APBA3: variants seen among roughly 807,000 people sequenced by gnomAD.
APBA3 encodes amyloid-beta A4 precursor protein-binding family A member 3.
Under a neutral mutation model 55.9 loss-of-function variants are expected in APBA3, and 45 were observed. That is an observed-to-expected ratio of 0.80 (90% CI 0.63 to 1.03). APBA3 has a LOEUF of 1.03. APBA3 is among the 50% of genes least tolerant of loss of function. APBA3 has a pLI of 0.00. For synonymous variants in APBA3, 370 were observed against 353.3 expected (o/e 1.05, Z -0.53); for missense variants, 865 against 820.3 (o/e 1.05, Z -0.67).
In APBA3 at chr19:3,752,542, C is replaced by T; in HGVS notation, c.1361G>A (p.Gly454Glu). The T allele has an allele frequency of 1.3e-6, 2 of 1,587,982 alleles. No homozygotes were observed. Among genetic ancestry groups the T allele is most frequent in the South Asian group, 2.3e-5 (2 of 88,026 alleles). The stretch of plus-strand genomic sequence containing the variant: ...GGCCTGGCACGCAGCCAGGGGCAGC[C>T]CCACCAGGCTGGTCCCGTTGATGGC... ...LTAINGTSLV[G>E]LPLAACQAAV... Residue 454 changes from glycine (G) to glutamate (E), a missense_variant, in exon 8 of 11, where the codon GGG becomes GAG. Gly to Glu is a moderately conservative substitution (Grantham distance 98). Transcript: ENST00000316757.
chr19:3,753,295 G>T, intron 6 of APBA3: 1 of 481,324 alleles, frequency 2.1e-6, no homozygotes, highest in South Asian at 3.0e-5. Context: ...CTCATGGGTG[G>T]CAGGGACAGC....
chr19:3,753,694 G>A, intron 6 of APBA3, 71 bp downstream of exon 6: 1 of 1,363,460 alleles, frequency 7.3e-7, no homozygotes, highest in Non-Finnish European at 9.7e-7. Flanking sequence ...TAAATGCACG[G>A]CCCACTGAGG....
rs1159310026 is a variant in APBA3 at position 3,753,855 on chromosome 19, C to T, written c.921G>A (p.Met307Ile). 1 of 1,568,280 alleles carries T rather than the reference C, an allele frequency of 6.4e-7. No individual in the cohort carries two copies. ...GCCTCCGTGCCAGCCGCCGCCGCGC[C>T]ATCAGCACCAGCACGCAGCCGATGT... The part of the protein sequence containing the change: ...TADIGCVLVL[M>I]ARRRLARRPA... Residue 307 changes from methionine (M) to isoleucine (I), a missense_variant, in exon 6 of 11, where the codon ATG becomes ATA. Met to Ile is a conservative substitution (Grantham distance 10). Transcript: ENST00000316757.
chr19:3,758,276 CAG>C (rs967069182), intron 3 of APBA3, among the ~76,000 whole-genome samples: 8 of 151,912 alleles, frequency 5.3e-5, no homozygotes, highest in African/African-American at 1.9e-4. Context: ...ATTTTTGAGA[CAG>C]AGTCTCGCTC....
chr19:3,754,414 C>T (rs925682919), intron 3 of APBA3, 74 bp from the exon 4 acceptor site: 32 of 1,499,398 alleles, frequency 2.1e-5, no homozygotes, highest in East Asian at 4.9e-5. Flanking sequence ...CTACGCTCTC[C>T]GAGATGGCCG....
chr19:3,756,916 A>G (rs2037085028), intron 3 of APBA3, among the ~76,000 whole-genome samples: 1 of 152,148 alleles, frequency 6.6e-6, no homozygotes, highest in South Asian at 2.1e-4. Flanking sequence ...ATGGTTCTAG[A>G]ATTCTCCAGT....
At chr19:3,759,215 G>A (rs898876572) in intron 3 of APBA3, among the ~76,000 whole-genome samples, 7 of 152,140 alleles carry the variant, frequency 4.6e-5, no homozygotes, top group Admixed American at 4.6e-4. Context: ...GATAACAGAA[G>A]TCATCAAAAA....
At chr19:3,761,482 C>G (rs568284136) in intron 1 of APBA3, 54 bp downstream of exon 1, 1 of 152,768 alleles carries the variant, frequency 6.5e-6, no homozygotes, top group South Asian at 2.0e-4. Context: ...CCCCCTCAGA[C>G]CGAAGACCTC....
intron 1 of APBA3, among the ~76,000 whole-genome samples, chr19:3,761,247 G>A (rs2037143019): frequency 6.6e-6 from 1 of 152,036 alleles, no homozygotes; most frequent in Non-Finnish European, 1.5e-5. Context: ...TCTACCGACT[G>A]GTCAGAGGCA....
rs1241337673 is a variant in APBA3 at position 3,751,477 on chromosome 19, G to A, written c.1472C>T (p.Pro491Leu). ...GAAGCCCAGCTGCTCGCGGGCGTGG[G>A]GCCGGTGGATGATGGCGGTGGTGAC... ...PPVTTAIIHR[P>L]HAREQLGFCV... Residue 491 changes from proline (P) to leucine (L), a missense_variant, in exon 9 of 11, where the codon CCC (proline) becomes CTC (leucine). By Grantham distance (98) the Pro-to-Leu change is moderately conservative. Transcript: ENST00000316757. 17 of 1,568,544 alleles carry A rather than the reference G, an allele frequency of 1.1e-5. No individual in the cohort carries two copies. The highest frequency in any genetic ancestry group is 1.4e-5 in the Non-Finnish European group (16 of 1,161,192).
chr19:3,758,124 G>C (rs981279534), intron 3 of APBA3, among the ~76,000 whole-genome samples: 2 of 151,808 alleles, frequency 1.3e-5, no homozygotes, highest in Non-Finnish European at 2.9e-5. Context: ...TAGTAGAGAC[G>C]GGGTTTCACC....
intron 3 of APBA3, among the ~76,000 whole-genome samples, chr19:3,757,599 G>C (rs1357654159): frequency 1.3e-5 from 2 of 152,188 alleles, no homozygotes; most frequent in African/African-American, 4.8e-5. Flanking sequence ...GGGCACGGTG[G>C]CGGACGCTTG....
chr19:3,757,123 T>C (rs1441264914), intron 3 of APBA3, among the ~76,000 whole-genome samples: 1 of 151,936 alleles, frequency 6.6e-6, no homozygotes, highest in Non-Finnish European at 1.5e-5. Flanking sequence ...TTTTTTTTTT[T>C]CTTTTTTTTG....
At chr19:3,759,245 G>A (rs1183488473) in intron 3 of APBA3, among the ~76,000 whole-genome samples, 1 of 152,090 alleles carries the variant, frequency 6.6e-6, no homozygotes, top group Non-Finnish European at 1.5e-5. Flanking sequence ...AGCCCCAAAC[G>A]CAAAAACCAT....
chr19:3,757,795 A>C (rs373998714), intron 3 of APBA3, among the ~76,000 whole-genome samples: 3 of 152,156 alleles, frequency 2.0e-5, no homozygotes, highest in African/African-American at 7.2e-5. Context: ...CCAAAGAGTA[A>C]ATATTTTCAG....
rs1021480652 is a variant in APBA3, at chr19:3,758,620, T to C, written c.616+941A>G. 7.9e-5 allele frequency among the ~76,000 whole-genome samples: 12 copies of C among 151,718 alleles called. No individual in the cohort carries two copies. The South Asian group carries it at 1.0e-3, about 13-fold the overall frequency. The stretch of plus-strand genomic sequence containing the variant: ...TTTGGCCAGGCGTGGTGGCTCACGC[T>C]TGTAATCCTAGCACTTTAGGAGGCC... On this transcript the variant is annotated intron_variant, in intron 3 of 10. Coordinates refer to ENST00000316757, the MANE Select transcript of APBA3 (RefSeq NM_004886.4).
chr19:3,760,295 C>T lies in APBA3; in HGVS notation c.-31G>A. On this transcript the variant is annotated 5_prime_UTR_variant, in exon 2 of 11. Transcript: ENST00000316757. ...GACTCCAGGCTTAGGCCGGCATCTT[C>T]AGGCAGCTGAAAGAGAGAGAGTCAG... 1 of 1,553,572 alleles carries T rather than the reference C, an allele frequency of 6.4e-7. No individual in the cohort carries two copies. The highest frequency in any genetic ancestry group is 8.6e-7 in the Non-Finnish European group (1 of 1,159,062).
intron 8 of APBA3, chr19:3,751,778 A>G (rs903662404): frequency 1.8e-6 from 1 of 555,472 alleles, no homozygotes; most frequent in Non-Finnish European, 3.1e-6. Flanking sequence ...CCAAAAGCCA[A>G]GCCGACAGCC....
chr19:3,759,653 C>T lies in APBA3; in HGVS notation c.576+36G>A, dbSNP rs781014260. 4.4e-6 allele frequency: 7 copies of T among 1,608,400 alleles called. No homozygotes were observed. In the South Asian group the frequency reaches 7.7e-5, roughly 18 times the overall value. ...CTGAGTCTCCCTGCTTGGTTCCAGG[C>T]AGTCCAGGATGCCTGGAGGGCGGGG... is the stretch of plus-strand genomic sequence containing the variant. On this transcript the variant is annotated intron_variant, in intron 2 of 10. Transcript: ENST00000316757.
Sources: gnomAD v4.1 joint callset for allele counts (sites outside exome capture counted in the v4.1 genomes callset) on GRCh38, gnomAD v4.1.1 for gene constraint, MANE v1.5 for transcripts, NCBI Gene and HGNC (gene_info 2026-07-23, HGNC 2026-07-21) for gene names.